Variants in SDK2 observed in about 807,000 individuals in gnomAD.
SDK2 encodes the protein protein sidekick-2.
SDK2 carries 105 observed loss-of-function variants against 253.9 expected under a neutral mutation model. The ratio of observed to expected loss-of-function variants is 0.41; its 90% CI spans 0.35 to 0.49. The LOEUF (loss-of-function observed/expected upper bound fraction) is 0.49. Ranked by LOEUF, SDK2 falls within the 20% of genes least tolerant of loss-of-function variation. SDK2 has a pLI of 0.06. For missense variants in SDK2, 2,608 were observed against 3,003.0 expected, an observed-to-expected ratio of 0.87 and a Z score of 3.07; for synonymous variants, 1,249 against 1,234.9, an observed-to-expected ratio of 1.01 and a Z score of -0.24.
chr17:73,557,211 A>G (rs2045156593), intron 1 of SDK2, among the ~76,000 whole-genome samples: 1 of 152,270 alleles, frequency 6.6e-6, no homozygotes, highest in South Asian at 2.1e-4. Context: ...CACAGTTCAT[A>G]GCGCACGCTC....
chr17:73,486,298 T>G (rs2145721753), intron 2 of SDK2, among the ~76,000 whole-genome samples: 1 of 152,252 alleles, frequency 6.6e-6, no homozygotes, highest in South Asian at 2.1e-4. Context: ...GTTTAAACAT[T>G]GGTGGTGGGA....
intron 22 of SDK2, among the ~76,000 whole-genome samples, 185 bp downstream of exon 22, chr17:73,398,983 T>C (rs942869704): frequency 6.6e-6 from 1 of 152,216 alleles, no homozygotes; most frequent in South Asian, 2.1e-4. Flanking sequence ...TGTTTTTCCA[T>C]GTACACAGGT....
chr17:73,500,249 GTCCATCCTCCTTCCATCTCC>G (rs2063877627), intron 2 of SDK2, among the ~76,000 whole-genome samples: 1 of 99,156 alleles, frequency 1.0e-5, no homozygotes, highest in Non-Finnish European at 1.9e-5. Flanking sequence ...ACCATCCTCC[GTCCATCCTCCTTCCATCTCC>G]TCCATCCTTC....
At chr17:73,592,969 A>ACCC (rs1259668848) in intron 1 of SDK2, among the ~76,000 whole-genome samples, 2 of 149,920 alleles carry the variant, frequency 1.3e-5, no homozygotes, top group East Asian at 4.0e-4. Context: ...CGCCGGTGTC[A>ACCC]CAGGATCACC....
At chr17:73,357,091 C>T (rs985207986) in intron 40 of SDK2, among the ~76,000 whole-genome samples, 18 of 152,216 alleles carry the variant, frequency 1.2e-4, no homozygotes, top group South Asian at 4.1e-4. Flanking sequence ...ATGCATCCTC[C>T]GGCCACACAG....
Position 73,592,808 on chromosome 17 carries a change from C to A in SDK2, c.64+51217G>T, listed in dbSNP as rs534349540. Among the ~76,000 whole-genome samples, 3 of 152,268 alleles carry A rather than the reference C, an allele frequency of 2.0e-5. No individual in the cohort carries two copies. The South Asian group carries it at 6.2e-4, about 32-fold the overall frequency. ...GGGAGAGCCTATTGTAACCACCGTG[C>A]GTGACACCAAGAGCTTTGGGGAATC... is the stretch of plus-strand genomic sequence containing the variant. On this transcript the variant is annotated intron_variant, in intron 1 of 44. Coordinates refer to ENST00000392650, the MANE Select transcript of SDK2 (RefSeq NM_001144952.2).
intron 3 of SDK2, among the ~76,000 whole-genome samples, chr17:73,461,063 C>T (rs1050164307): frequency 1.6e-4 from 24 of 152,254 alleles, no homozygotes; most frequent in African/African-American, 4.8e-4. Context: ...GCCATCCCTC[C>T]CTGCCTCCTT....
chr17:73,569,778 G>GA (rs1246481612), intron 1 of SDK2, among the ~76,000 whole-genome samples: 1 of 151,964 alleles, frequency 6.6e-6, no homozygotes, highest in Non-Finnish European at 1.5e-5. Context: ...CACATTGGTA[G>GA]ATGGGCGATG....
chr17:73,349,823 C>G (rs2062518567), intron 43 of SDK2, among the ~76,000 whole-genome samples: 1 of 152,146 alleles, frequency 6.6e-6, no homozygotes, highest in African/African-American at 2.4e-5. Flanking sequence ...GGTGTTTTTG[C>G]TCGGTCTGCG....
intron 44 of SDK2, among the ~76,000 whole-genome samples, chr17:73,339,213 G>GTTTTTTTTGTTTTTTTTTTT (rs1568356151): frequency 2.4e-5 from 3 of 127,606 alleles, no homozygotes; most frequent in Non-Finnish European, 3.4e-5. Flanking sequence ...GAAGACCTGA[G>GTTTTTTTTGTTTTTTTTTTT]TTTTTTTTTG....
intron 16 of SDK2, among the ~76,000 whole-genome samples, chr17:73,417,298 C>G (rs928365139): frequency 9.3e-5 from 14 of 149,764 alleles, no homozygotes; most frequent in Admixed American, 8.0e-4. Context: ...CCCAGCTACT[C>G]GGGAGTCTGA....
Position 73,401,962 on chromosome 17 carries a change from C to T in SDK2, c.2664G>A (p.Val888=). ...GGTGCCTACCATCCTCATGGGTGCGCACCAGCTGCGGGGTGCTGCGTGGCC... is the reference window on the plus strand; with the variant it reads ...GGTGCCTACCATCCTCATGGGTGCGTACCAGCTGCGGGGTGCTGCGTGGCC... ...GDGPRSTPQL[V]RTHEDVPGPV... Residue 888 remains valine (V), a synonymous_variant, in exon 19 of 45, where the codon GTG becomes GTA. Coordinates refer to ENST00000392650, the MANE Select transcript of SDK2 (RefSeq NM_001144952.2). 6.2e-7 allele frequency: 1 copy of T among 1,610,446 alleles called. No homozygotes were observed. Among genetic ancestry groups the T allele is most frequent in the Non-Finnish European group, 8.5e-7 (1 of 1,178,504 alleles).
intron 1 of SDK2, among the ~76,000 whole-genome samples, chr17:73,636,115 C>T (rs912231938): frequency 6.6e-6 from 1 of 152,098 alleles, no homozygotes; most frequent in Non-Finnish European, 1.5e-5. Flanking sequence ...TGACGTATGC[C>T]GTGGAAGCCA....
At chr17:73,349,747 T>A (rs1445079525) in intron 43 of SDK2, among the ~76,000 whole-genome samples, 1 of 152,126 alleles carries the variant, frequency 6.6e-6, no homozygotes, top group East Asian at 1.9e-4. Flanking sequence ...GGGAGAGGGT[T>A]TCCCAAATGG....
At chr17:73,359,314 G>A (rs1254299449) in intron 39 of SDK2, among the ~76,000 whole-genome samples, 1 of 151,516 alleles carries the variant, frequency 6.6e-6, no homozygotes, top group Non-Finnish European at 1.5e-5. Flanking sequence ...CCACCCCATC[G>A]CTCACACAGC....
chr17:73,445,953 A>G (rs1316543184), intron 5 of SDK2, among the ~76,000 whole-genome samples: 1 of 151,932 alleles, frequency 6.6e-6, no homozygotes, highest in Non-Finnish European at 1.5e-5. Context: ...GGCCAGCTGG[A>G]GGGTTGGGTG....
chr17:73,352,707 C>G lies in SDK2; in HGVS notation c.5594-70G>C. On this transcript the variant is annotated intron_variant, in intron 40 of 44. Transcript: ENST00000392650. The surrounding 1 kb of genome is among the most constrained non-coding windows in gnomAD (Gnocchi z 4.1). The stretch of plus-strand genomic sequence containing the variant: ...CCCAAATCCCGCTCCCAGCCCCGTT[C>G]TGACTATGCTCCCTGAGGGCTGGGC... 6.6e-7 allele frequency: 1 copy of G among 1,517,042 alleles called. No homozygotes were observed. Among genetic ancestry groups the G allele is most frequent in the Non-Finnish European group, 9.1e-7 (1 of 1,103,836 alleles). The allele number at this position is 1,517,042 out of a possible 1,614,324, so 94.0% of individuals were successfully genotyped here.
At chr17:73,550,783 T>A (rs928405778) in intron 1 of SDK2, among the ~76,000 whole-genome samples, 1 of 152,106 alleles carries the variant, frequency 6.6e-6, no homozygotes, top group Non-Finnish European at 1.5e-5. Context: ...AACCCAGAGA[T>A]CGGTGACACA....
chr17:73,606,234 G>A (rs918137075), intron 1 of SDK2, among the ~76,000 whole-genome samples: 1 of 152,210 alleles, frequency 6.6e-6, no homozygotes, highest in Non-Finnish European at 1.5e-5. Flanking sequence ...GCAGCAGCAG[G>A]AGCCCAGAAG....
Sources: allele counts gnomAD v4.1 joint callset (sites outside exome capture counted in the v4.1 genomes callset), GRCh38; gene constraint gnomAD v4.1.1; non-coding constraint Gnocchi (gnomAD v3.1); transcripts MANE v1.5; gene names NCBI Gene and HGNC (gene_info 2026-07-23, HGNC 2026-07-21).